Variants in GFOD2 observed in about 807,000 individuals in gnomAD.
The protein encoded by GFOD2 is glucose-fructose oxidoreductase domain-containing protein 2.
A neutral mutation model predicts 24.6 loss-of-function variants in GFOD2; 9 were observed. The observed-to-expected ratio is 0.37, with a 90% CI of 0.22 to 0.64. The LOEUF is 0.64. Among genes scored for constraint, GFOD2 ranks in the 30% least tolerant of loss-of-function variants. The pLI, the probability that GFOD2 is intolerant of heterozygous loss-of-function variation, is 0.65. For missense variants in GFOD2, 476 were observed against 532.5 expected, an observed-to-expected ratio of 0.89 and a Z score of 1.04; for synonymous variants, 211 against 224.8, an observed-to-expected ratio of 0.94 and a Z score of 0.55.
chr16:67,713,909 C>T (rs2053491899), intron 1 of GFOD2, among the ~76,000 whole-genome samples: 5 of 152,040 alleles, frequency 3.3e-5, no homozygotes, highest in Admixed American at 3.3e-4. Flanking sequence ...CTGCCAGCCA[C>T]CAGTTAACTC....
At chr16:67,695,473 G>A (rs184905433) in intron 1 of GFOD2, among the ~76,000 whole-genome samples, 382 of 151,404 alleles carry the variant, frequency 2.5e-3, no homozygotes, top group African/African-American at 8.4e-3. Context: ...GGTTATGGCT[G>A]TTATAGGAGC....
chr16:67,709,259 G>A (rs1466232602), intron 1 of GFOD2, among the ~76,000 whole-genome samples: 2 of 151,100 alleles, frequency 1.3e-5, no homozygotes, highest in African/African-American at 2.4e-5. Flanking sequence ...AGTGGGCTGT[G>A]ATTGCACCAC....
intron 1 of GFOD2, among the ~76,000 whole-genome samples, chr16:67,709,181 T>C (rs911435797): frequency 1.3e-5 from 2 of 151,890 alleles, no homozygotes; most frequent in Non-Finnish European, 2.9e-5. Flanking sequence ...CACAAACCTG[T>C]AGTCCCAGCT....
intron 1 of GFOD2, among the ~76,000 whole-genome samples, chr16:67,707,403 A>ATGCG: frequency 6.6e-6 from 1 of 152,176 alleles, no homozygotes; most frequent in South Asian, 2.1e-4. Flanking sequence ...TGGAGAGGAT[A>ATGCG]TGCGGCAAAT....
chr16:67,715,081 G>A (rs1034773705), intron 1 of GFOD2, among the ~76,000 whole-genome samples: 1 of 149,922 alleles, frequency 6.7e-6, no homozygotes, highest in Non-Finnish European at 1.5e-5. Context: ...TTTTTGAGAC[G>A]TACTTTCGCT....
intron 1 of GFOD2, among the ~76,000 whole-genome samples, chr16:67,715,491 G>C (rs1427246824): frequency 6.6e-6 from 1 of 152,150 alleles, no homozygotes; most frequent in East Asian, 1.9e-4. Flanking sequence ...TTAGAGTGTA[G>C]GGAATTCTTC....
chr16:67,675,421 C>T lies in GFOD2; in HGVS notation c.892G>A (p.Asp298Asn). Residue 298 changes from aspartate (D) to asparagine (N), a missense_variant, in exon 3 of 3, where the codon GAT (aspartate) becomes AAT (asparagine). Coordinates refer to ENST00000268797, the MANE Select transcript of GFOD2 (RefSeq NM_030819.4). ...CCCTTCAGGTACAGCAGCGGGACAT[C>T]CTGGGGCCCCTGCTCAGGCAGTCCT... Reference protein sequence around the residue: ...GAGLPEQGPQDVPLLYLKGMV... With the variant: ...GAGLPEQGPQNVPLLYLKGMV... 1.2e-6 allele frequency: 2 copies of T among 1,612,932 alleles called. No individual in the cohort carries two copies. The highest frequency in any genetic ancestry group is 2.2e-5 in the South Asian group (2 of 91,088).
intron 1 of GFOD2, among the ~76,000 whole-genome samples, chr16:67,710,862 C>T (rs13337860): frequency 1.3e-5 from 2 of 152,112 alleles, no homozygotes; most frequent in Non-Finnish European, 2.9e-5. Flanking sequence ...AGCTCAGTCT[C>T]TCTCCCCAAC....
chr16:67,713,538 T>C (rs763870167), intron 1 of GFOD2, among the ~76,000 whole-genome samples: 6 of 152,174 alleles, frequency 3.9e-5, no homozygotes, highest in Non-Finnish European at 7.4e-5. Context: ...GGCTACAGAC[T>C]GGAGATCCTA....
chr16:67,681,934 C>G, intron 2 of GFOD2: 1 of 972,190 alleles, frequency 1.0e-6, no homozygotes, highest in Non-Finnish European at 1.2e-6. Context: ...AATTCCAGCA[C>G]TTTGGGGGGC....
rs755631435 is a variant in GFOD2, at chr16:67,685,667, G to A, written c.49C>T (p.Arg17Ter). 1.1e-5 allele frequency: 17 copies of A among 1,613,796 alleles called. No individual in the cohort carries two copies. Among genetic ancestry groups the A allele is most frequent in the Admixed American group, 1.7e-5 (1 of 59,980 alleles). Residue 17 changes from arginine to a stop codon, truncating the protein, a stop_gained, in exon 2 of 3, where the codon CGA becomes TGA. Transcript: ENST00000268797. LOFTEE classifies it high-confidence loss of function. ...VGVFGTGSSA[R>*]VLVPLLRAEG... is the part of the protein sequence containing the mutation. ...GCCCTCAGCAGTGGGACCAGAACTC[G>A]GGCGGAGCTGCCAGTCCCAAACACG...
Position 67,675,490 on chromosome 16 carries a change from T to C in GFOD2, c.823A>G (p.Thr275Ala), listed in dbSNP as rs754743541. 1 of 1,612,212 alleles carries C rather than the reference T, an allele frequency of 6.2e-7. No individual in the cohort carries two copies. The highest frequency in any genetic ancestry group is 1.1e-5 in the South Asian group (1 of 91,084). Residue 275 changes from threonine to alanine, a missense_variant, in exon 3 of 3, where the codon ACG (threonine) becomes GCG (alanine). Coordinates refer to ENST00000268797, the MANE Select transcript of GFOD2 (RefSeq NM_030819.4). ...ADLYGQKNSATQEELLLRDSL... is the reference protein window; with the variant it reads ...ADLYGQKNSAAQEELLLRDSL... The stretch of plus-strand genomic sequence containing the variant: ...TCCCTCAAGAGCAGCTCCTCTTGCG[T>C]GGCAGAGTTCTTCTGCCCATAGAGG...
chr16:67,686,438 T>G (rs2053267330), intron 1 of GFOD2, among the ~76,000 whole-genome samples: 2 of 152,196 alleles, frequency 1.3e-5, no homozygotes, highest in Admixed American at 6.5e-5. Context: ...GGTCAAAAGA[T>G]TCAACTTTCA....
At chr16:67,699,169 C>T (rs979300486) in intron 1 of GFOD2, among the ~76,000 whole-genome samples, 7 of 151,808 alleles carry the variant, frequency 4.6e-5, no homozygotes, top group African/African-American at 1.5e-4. Flanking sequence ...GGTGAAACCC[C>T]GTCTCTACTA....
chr16:67,679,713 C>A (rs2053210141), intron 2 of GFOD2, among the ~76,000 whole-genome samples: 1 of 151,628 alleles, frequency 6.6e-6, no homozygotes, highest in South Asian at 2.1e-4. Context: ...ATGATGAAAC[C>A]CTATCTCTAC....
intron 1 of GFOD2, among the ~76,000 whole-genome samples, chr16:67,701,114 T>A (rs1211744554): frequency 3.3e-5 from 5 of 151,904 alleles, no homozygotes; most frequent in African/African-American, 1.2e-4. Context: ...GAAAACCTGA[T>A]ATCAAATACT....
At chr16:67,689,154 C>G (rs2053292752) in intron 1 of GFOD2, among the ~76,000 whole-genome samples, 1 of 151,608 alleles carries the variant, frequency 6.6e-6, no homozygotes. Flanking sequence ...ATTCTCCTGC[C>G]TCAGCCACAT....
chr16:67,696,514 C>T (rs1272068323), intron 1 of GFOD2, among the ~76,000 whole-genome samples: 1 of 152,028 alleles, frequency 6.6e-6, no homozygotes, highest in African/African-American at 2.4e-5. Flanking sequence ...CGCTCCGTCA[C>T]CCAGGCTGGA....
intron 2 of GFOD2, chr16:67,680,608 C>T: frequency 2.2e-6 from 1 of 445,112 alleles, no homozygotes; most frequent in African/African-American, 2.1e-5. Context: ...CCCTGAAGAA[C>T]CCCACAGAGC....
Sources: gnomAD v4.1 joint callset for allele counts (sites outside exome capture counted in the v4.1 genomes callset) on GRCh38, gnomAD v4.1.1 for gene constraint, MANE v1.5 for transcripts, NCBI Gene and HGNC (gene_info 2026-07-23, HGNC 2026-07-21) for gene names.